Variants in RNGTT observed in about 807,000 individuals in gnomAD.
RNGTT encodes the protein RNA guanylyltransferase and 5'-phosphatase.
Under a neutral mutation model 79.3 loss-of-function variants are expected in RNGTT, and 33 were observed. That is an observed-to-expected ratio of 0.42 (90% confidence interval 0.32 to 0.56). The LOEUF is 0.56. Among genes scored for constraint, RNGTT ranks in the 20% least tolerant of loss-of-function variants. RNGTT has a pLI of 0.17. For synonymous variants in RNGTT, 222 were observed against 235.9 expected (o/e 0.94, Z 0.54); for missense variants, 497 against 739.1 (o/e 0.67, Z 3.80).
intron 11 of RNGTT, among the ~76,000 whole-genome samples, chr6:88,809,399 G>T (rs896777901): frequency 4.6e-5 from 7 of 152,236 alleles, no homozygotes; most frequent in Admixed American, 6.5e-5. Context: ...CAGAAAGCCA[G>T]TGAGGATATG....
At position 88,946,803 on chromosome 6, in the gene RNGTT, C is replaced by T. The variant is rs1342814135; in HGVS notation, c.65-5623G>A. ...CCGAATGCCTGCGATTGCAGGCACG[C>T]GCCGCCACGCCTGACTGGTTTTGGT... On this transcript the variant is annotated intron_variant, in intron 1 of 15. Transcript: ENST00000369485. Among the ~76,000 whole-genome samples the T allele has an allele frequency of 6.9e-5, 10 of 145,050 alleles. No homozygotes were observed. The East Asian group carries it at 1.2e-3, about 18-fold the overall frequency.
intron 14 of RNGTT, among the ~76,000 whole-genome samples, chr6:88,673,818 G>T (rs138081394): frequency 7.0e-4 from 106 of 152,292 alleles, no homozygotes; most frequent in African/African-American, 2.5e-3. Context: ...CTCACACCAT[G>T]CACACAAAAA....
chr6:88,878,172 T>C (rs1782579285), intron 8 of RNGTT, among the ~76,000 whole-genome samples: 1 of 152,060 alleles, frequency 6.6e-6, no homozygotes, highest in Non-Finnish European at 1.5e-5. Context: ...CTCGGCTCAC[T>C]GCAACCTCCG....
chr6:88,934,708 A>G (rs1784614363), intron 2 of RNGTT, among the ~76,000 whole-genome samples: 1 of 152,100 alleles, frequency 6.6e-6, no homozygotes, highest in East Asian at 1.9e-4. Context: ...TGGTGTGAAT[A>G]TGAATCACTG....
At chr6:88,837,260 G>C (rs1019956341) in intron 11 of RNGTT, among the ~76,000 whole-genome samples, 5 of 152,198 alleles carry the variant, frequency 3.3e-5, no homozygotes, top group Non-Finnish European at 5.9e-5. Flanking sequence ...AGCTGAGTGT[G>C]GTGGCACGTG....
At chr6:88,715,481 G>A (rs1266488760) in intron 13 of RNGTT, among the ~76,000 whole-genome samples, 2 of 151,910 alleles carry the variant, frequency 1.3e-5, no homozygotes, top group Non-Finnish European at 2.9e-5. Flanking sequence ...AGTTCATATG[G>A]AACCAAAAAA....
chr6:88,820,986 C>T (rs936229995), intron 11 of RNGTT, among the ~76,000 whole-genome samples: 29 of 152,006 alleles, frequency 1.9e-4, no homozygotes, highest in African/African-American at 7.0e-4. Context: ...GGCAAACGAT[C>T]TAAAATAGCC....
In RNGTT at chr6:88,849,870, A is replaced by G. The variant is rs781575399; in HGVS notation, c.1033-44T>C. The G allele has an allele frequency of 2.7e-5, 40 of 1,478,324 alleles. No homozygotes were observed. In the African/African-American group the frequency reaches 5.5e-4, roughly 20 times the overall value. 91.6% of individuals were successfully genotyped at this position (1,478,324 alleles called of 1,614,324 possible). The stretch of plus-strand genomic sequence containing the variant: ...GTAAGTTTCTTCATACTTTAATAAC[A>G]ATTTTTTTTAATTTAATTGAAATAT... On this transcript the variant is annotated intron_variant, in intron 9 of 15. Transcript: ENST00000369485.
intron 13 of RNGTT, 113 bp from the exon 14 acceptor site, chr6:88,678,532 G>T: frequency 2.0e-6 from 1 of 502,518 alleles, no homozygotes; most frequent in Non-Finnish European, 2.9e-6. Flanking sequence ...AAATATATTA[G>T]ATGGATGCTG....
At chr6:88,900,621 C>T (rs1370849318) in intron 6 of RNGTT, among the ~76,000 whole-genome samples, 1 of 151,640 alleles carries the variant, frequency 6.6e-6, no homozygotes, top group Non-Finnish European at 1.5e-5. Context: ...ATAGTCCCAG[C>T]TACTCAGGAG....
chr6:88,940,999 TA>T, intron 2 of RNGTT, 71 bp downstream of exon 2: 2 of 817,900 alleles, frequency 2.4e-6, no homozygotes, highest in Non-Finnish European at 1.9e-6. Flanking sequence ...AAGATTTTTT[TA>T]AAAGCCACCT....
intron 13 of RNGTT, among the ~76,000 whole-genome samples, chr6:88,691,425 C>T (rs1419066735): frequency 1.3e-5 from 2 of 152,126 alleles, no homozygotes; most frequent in African/African-American, 4.8e-5. Flanking sequence ...TGAACCAATA[C>T]AGTTAAGTGC....
At chr6:88,898,843 T>C (rs1399861227) in intron 6 of RNGTT, among the ~76,000 whole-genome samples, 5 of 149,136 alleles carry the variant, frequency 3.4e-5, no homozygotes, top group Non-Finnish European at 5.9e-5. Flanking sequence ...TACTCCTAGA[T>C]GTTTGCATTT....
At chr6:88,780,754 TAAGA>T (rs1779036028) in intron 12 of RNGTT, among the ~76,000 whole-genome samples, 1 of 152,170 alleles carries the variant, frequency 6.6e-6, no homozygotes, top group Non-Finnish European at 1.5e-5. Context: ...ATAAGATGCT[TAAGA>T]AAGTGTTGAC....
chr6:88,961,807 C>CA (rs891251545), intron 1 of RNGTT, among the ~76,000 whole-genome samples: 21 of 152,262 alleles, frequency 1.4e-4, no homozygotes, highest in Admixed American at 1.0e-3. Context: ...GAGACTTACA[C>CA]AAGAGAAATG....
intron 12 of RNGTT, among the ~76,000 whole-genome samples, chr6:88,794,023 G>A (rs1779508573): frequency 6.6e-6 from 1 of 152,120 alleles, no homozygotes. Flanking sequence ...GAATTTTCAA[G>A]TACTGATTTA....
chr6:88,636,712 CTT>C (rs34826211), intron 14 of RNGTT, among the ~76,000 whole-genome samples: 4 of 146,466 alleles, frequency 2.7e-5, no homozygotes, highest in African/African-American at 7.5e-5. Context: ...AAAAACACAA[CTT>C]TTTTTTTTTA....
chr6:88,648,494 T>C (rs1033510038), intron 14 of RNGTT, among the ~76,000 whole-genome samples: 1 of 150,598 alleles, frequency 6.6e-6, no homozygotes, highest in Non-Finnish European at 1.5e-5. Context: ...ATAATAATAA[T>C]AAAAAATTCT....
Position 88,611,302 on chromosome 6 carries a change from A to T in RNGTT, c.*1417T>A, listed in dbSNP as rs1772013368. 6.5e-6 allele frequency: 1 copy of T among 152,680 alleles called. No individual in the cohort carries two copies. The highest frequency in any genetic ancestry group is 6.5e-5 in the Admixed American group (1 of 15,284). 9.5% of individuals were successfully genotyped at this position (152,680 alleles called of 1,614,324 possible). A position where few individuals can be genotyped will look rare whatever the true frequency, so the allele number is the denominator to read the frequency against. On this transcript the variant is annotated 3_prime_UTR_variant, in exon 16 of 16. Coordinates refer to ENST00000369485, the MANE Select transcript of RNGTT (RefSeq NM_003800.5). ...AGATATTCAGTCTACCGGGTAATTC[A>T]GTTGGATTTCGTGTCTGACTGAATC...
Sources: allele counts gnomAD v4.1 joint callset (sites outside exome capture counted in the v4.1 genomes callset), GRCh38; gene constraint gnomAD v4.1.1; transcripts MANE v1.5; gene names NCBI Gene and HGNC (gene_info 2026-07-23, HGNC 2026-07-21).